Variants in FRAS1 observed in about 807,000 individuals in gnomAD.
FRAS1 encodes extracellular matrix organizing protein FRAS1.
Under a neutral mutation model 435.2 loss-of-function variants are expected in FRAS1, and 290 were observed. The ratio of observed to expected loss-of-function variants is 0.67; its 90% CI spans 0.61 to 0.73. The LOEUF is 0.73. Among genes scored for constraint, FRAS1 ranks in the 30% least tolerant of loss-of-function variants. The probability of loss-of-function intolerance (pLI) is 0.00; values close to 1 mark genes in which losing one functional copy is unlikely to be tolerated. For synonymous variants in FRAS1, 1,800 were observed against 1,851.0 expected (o/e 0.97, Z 0.71); for missense variants, 4,860 against 5,001.5 (o/e 0.97, Z 0.85).
chr4:78,314,402 C>G (rs1729153613), intron 15 of FRAS1, among the ~76,000 whole-genome samples: 1 of 152,120 alleles, frequency 6.6e-6, no homozygotes, highest in Non-Finnish European at 1.5e-5. Context: ...TTTTTCTTCA[C>G]TGCTCTCAAA....
At chr4:78,335,246 A>G (rs748363670) in intron 19 of FRAS1, among the ~76,000 whole-genome samples, 10 of 152,188 alleles carry the variant, frequency 6.6e-5, no homozygotes, top group Non-Finnish European at 1.5e-4. Flanking sequence ...ATTGCTGGGC[A>G]GCTCTTTCTT....
intron 32 of FRAS1, among the ~76,000 whole-genome samples, chr4:78,418,304 T>C (rs933454807): frequency 6.6e-6 from 1 of 152,202 alleles, no homozygotes; most frequent in Non-Finnish European, 1.5e-5. Flanking sequence ...TGAGCCTTTT[T>C]TGGTGTTTGG....
At chr4:78,464,301 C>A in intron 48 of FRAS1, 142 bp from the exon 49 acceptor site, 1 of 1,379,226 alleles carries the variant, frequency 7.3e-7, no homozygotes. Context: ...TTGGCTCTTG[C>A]CCAAGAGGAC....
chr4:78,114,397 T>C (rs766657508), intron 2 of FRAS1, among the ~76,000 whole-genome samples: 76 of 152,324 alleles, frequency 5.0e-4, no homozygotes, highest in Non-Finnish European at 9.3e-4. Context: ...GGGGATGGCT[T>C]TGAATCTATA....
intron 38 of FRAS1, among the ~76,000 whole-genome samples, chr4:78,434,039 G>A (rs1238132302): frequency 2.6e-5 from 4 of 152,218 alleles, no homozygotes; most frequent in Admixed American, 6.5e-5. Flanking sequence ...TTCTCTAAGG[G>A]TTGTAGAAGG....
chr4:78,411,549 C>A (rs768759689), intron 31 of FRAS1, among the ~76,000 whole-genome samples: 1 of 152,128 alleles, frequency 6.6e-6, no homozygotes, highest in Non-Finnish European at 1.5e-5. Context: ...TGGCATAGTG[C>A]AAAGAAAGCA....
chr4:78,061,739 C>G (rs1259690514), intron 1 of FRAS1, among the ~76,000 whole-genome samples: 1 of 152,106 alleles, frequency 6.6e-6, no homozygotes, highest in African/African-American at 2.4e-5. Flanking sequence ...TTCTGCAAGC[C>G]TTTATTGAGA....
chr4:78,298,802 C>G (rs1728263230), intron 14 of FRAS1, among the ~76,000 whole-genome samples: 1 of 152,166 alleles, frequency 6.6e-6, no homozygotes, highest in Non-Finnish European at 1.5e-5. Flanking sequence ...AGGTGCCAGA[C>G]ATCAGTCTGG....
intron 52 of FRAS1, 79 bp from the exon 53 acceptor site, chr4:78,473,359 C>A: frequency 8.7e-7 from 1 of 1,144,888 alleles, no homozygotes; most frequent in East Asian, 2.5e-5. Context: ...GAAGAATAAA[C>A]TAGGTTTGTT....
chr4:78,424,513 T>C, intron 35 of FRAS1, 93 bp downstream of exon 35: 1 of 561,382 alleles, frequency 1.8e-6, no homozygotes. Context: ...TTTTTAGCTA[T>C]TTTCTAAGAA....
chr4:78,169,429 C>T (rs1229154263), intron 2 of FRAS1, among the ~76,000 whole-genome samples: 1 of 152,024 alleles, frequency 6.6e-6, no homozygotes, highest in African/African-American at 2.4e-5. Flanking sequence ...CTGGTGTCGC[C>T]TTTGTCAAGT....
At chr4:78,254,595 T>C (rs1725700271) in intron 5 of FRAS1, among the ~76,000 whole-genome samples, 1 of 152,124 alleles carries the variant, frequency 6.6e-6, no homozygotes, top group Non-Finnish European at 1.5e-5. Flanking sequence ...TGGGATTCTT[T>C]CTTAAGTCCT....
At chr4:78,262,137 C>T (rs996299293) in intron 6 of FRAS1, among the ~76,000 whole-genome samples, 5 of 152,126 alleles carry the variant, frequency 3.3e-5, no homozygotes, top group Non-Finnish European at 7.4e-5. Context: ...TTTTCTTTCT[C>T]CACTGCCCAG....
chr4:78,484,377 G>A (rs973325504), intron 58 of FRAS1, among the ~76,000 whole-genome samples: 12 of 152,310 alleles, frequency 7.9e-5, no homozygotes, highest in African/African-American at 2.2e-4. Flanking sequence ...ATTCTGGACA[G>A]AGATTTATAT....
intron 9 of FRAS1, among the ~76,000 whole-genome samples, chr4:78,270,840 A>T (rs1373582251): frequency 1.3e-5 from 2 of 152,004 alleles, no homozygotes; most frequent in Non-Finnish European, 2.9e-5. Flanking sequence ...TTTATATGTA[A>T]ATGCATCTGC....
chr4:78,458,437 TA>T (rs1403114427), intron 47 of FRAS1, among the ~76,000 whole-genome samples: 1 of 152,218 alleles, frequency 6.6e-6, no homozygotes, highest in Admixed American at 6.5e-5. Context: ...TTTCTCTTAT[TA>T]AAAATATTGC....
chr4:78,328,816 G>C (rs1027141714), intron 18 of FRAS1, among the ~76,000 whole-genome samples: 1 of 152,128 alleles, frequency 6.6e-6, no homozygotes, highest in African/African-American at 2.4e-5. Context: ...TGCTCCTCTG[G>C]CTGAAGGGAA....
intron 6 of FRAS1, among the ~76,000 whole-genome samples, chr4:78,260,371 T>G (rs1726026284): frequency 6.6e-6 from 1 of 152,154 alleles, no homozygotes; most frequent in Non-Finnish European, 1.5e-5. Flanking sequence ...TGTCCTCTTT[T>G]ATTTCATCGA....
At chr4:78,496,039 A>G (rs1462612580) in intron 59 of FRAS1, among the ~76,000 whole-genome samples, 2 of 152,214 alleles carry the variant, frequency 1.3e-5, no homozygotes, top group Admixed American at 1.3e-4. Context: ...CCTTTGCAAT[A>G]TGTTAGAATA....
Sources: gnomAD v4.1 joint callset for allele counts (sites outside exome capture counted in the v4.1 genomes callset) on GRCh38, gnomAD v4.1.1 for gene constraint, MANE v1.5 for transcripts, NCBI Gene and HGNC (gene_info 2026-07-23, HGNC 2026-07-21) for gene names.